PPP1R1C: variants seen among roughly 807,000 people sequenced by gnomAD.
PPP1R1C encodes the protein protein phosphatase 1 regulatory inhibitor subunit 1C, also known as protein phosphatase 1 regulatory subunit 1C.
In PPP1R1C, 15 loss-of-function variants were observed where a neutral mutation model predicts 17.4. The ratio of observed to expected loss-of-function variants is 0.86; its 90% CI spans 0.58 to 1.33. The LOEUF (loss-of-function observed/expected upper bound fraction) is 1.33. PPP1R1C is among the 40% of genes most tolerant of loss of function. PPP1R1C has a pLI of 0.00. For missense variants in PPP1R1C, 143 were observed against 130.0 expected (o/e 1.10, Z -0.48); for synonymous variants, 35 against 43.1 (o/e 0.81, Z 0.73).
At chr2:182,081,799 A>C (rs116689880) in intron 4 of PPP1R1C, among the ~76,000 whole-genome samples, 2 of 152,184 alleles carry the variant, frequency 1.3e-5, no homozygotes, top group Non-Finnish European at 2.9e-5. Context: ...TACACCTCAT[A>C]TCCTGCCTGC....
intron 2 of PPP1R1C, among the ~76,000 whole-genome samples, chr2:182,005,547 T>C (rs763273547): frequency 1.3e-5 from 2 of 152,218 alleles, no homozygotes; most frequent in Non-Finnish European, 1.5e-5. Context: ...TATCTAAATA[T>C]GGTTTTGGAA....
chr2:182,035,697 C>T (rs10202990), intron 2 of PPP1R1C, among the ~76,000 whole-genome samples: 11,081 of 152,164 alleles, frequency 0.073, 613 homozygotes, highest in East Asian at 0.18. Context: ...TGAAGATGCA[C>T]TTGCTACCCC....
chr2:182,092,859 T>C (rs1215161279), intron 4 of PPP1R1C, among the ~76,000 whole-genome samples: 1 of 152,174 alleles, frequency 6.6e-6, no homozygotes, highest in Non-Finnish European at 1.5e-5. Flanking sequence ...CAGCCTCCCT[T>C]CTGGCCGCTT....
At chr2:182,083,616 G>A (rs1688543903) in intron 4 of PPP1R1C, among the ~76,000 whole-genome samples, 2 of 152,054 alleles carry the variant, frequency 1.3e-5, no homozygotes, top group South Asian at 4.2e-4. Flanking sequence ...TGCCTGAGTA[G>A]TATTCTACAG....
In PPP1R1C at chr2:181,967,862, C is replaced by T. The variant is rs1443627155; in HGVS notation, n.112-7357C>T. Among the ~76,000 whole-genome samples, 4 of 152,072 alleles carry T rather than the reference C, an allele frequency of 2.6e-5. No homozygotes were observed. The highest frequency in any genetic ancestry group is 9.7e-5 in the African/African-American group (4 of 41,404). ...TCCAGAGTAGCTGGGATTACAGGCACGAGCCACCATGCCTGGCTAATTTTG... is the reference window on the plus strand; with the variant it reads ...TCCAGAGTAGCTGGGATTACAGGCATGAGCCACCATGCCTGGCTAATTTTG... On this transcript the variant is annotated intron_variant and non_coding_transcript_variant, in intron 1 of 5. Coordinates refer to the PPP1R1C transcript ENST00000464264. The surrounding 1 kb of genome is among the most constrained non-coding windows in gnomAD (Gnocchi z 5.5).
intron 2 of PPP1R1C, among the ~76,000 whole-genome samples, chr2:181,991,339 C>T (rs1685467989): frequency 6.6e-6 from 1 of 152,142 alleles, no homozygotes; most frequent in African/African-American, 2.4e-5. Flanking sequence ...AATGTCCCAT[C>T]AGTCCCTTTC....
At chr2:182,104,219 A>T (rs969384800) in intron 4 of PPP1R1C, among the ~76,000 whole-genome samples, 1 of 152,192 alleles carries the variant, frequency 6.6e-6, no homozygotes, top group Admixed American at 6.5e-5. Context: ...TACTTGCTCT[A>T]GCTAGGACTT....
At chr2:181,977,888 G>A (rs1685122411) in intron 2 of PPP1R1C, among the ~76,000 whole-genome samples, 1 of 152,208 alleles carries the variant, frequency 6.6e-6, no homozygotes, top group Non-Finnish European at 1.5e-5. Context: ...ATGACTCAAA[G>A]TCTGGGCTCC....
chr2:182,123,928 C>A (rs188513995), intron 5 of PPP1R1C, among the ~76,000 whole-genome samples: 7 of 152,300 alleles, frequency 4.6e-5, no homozygotes, highest in Non-Finnish European at 5.9e-5. Context: ...AAACTTTGCC[C>A]ATCCCTATGT....
downstream of PPP1R1C, among the ~76,000 whole-genome samples, chr2:182,122,184 A>T (rs1689749126): frequency 6.6e-6 from 1 of 151,710 alleles, no homozygotes. Flanking sequence ...GTAACCCTTT[A>T]TTCTTCCCAG....
intron 2 of PPP1R1C, among the ~76,000 whole-genome samples, chr2:182,010,382 C>T (rs1024216485): frequency 4.0e-5 from 6 of 151,758 alleles, no homozygotes; most frequent in Non-Finnish European, 8.8e-5. Flanking sequence ...TTATTTGTAG[C>T]TATTTTAAAG....
intron 4 of PPP1R1C, among the ~76,000 whole-genome samples, chr2:182,109,584 C>G (rs539503397): frequency 1.3e-5 from 2 of 152,174 alleles, no homozygotes; most frequent in East Asian, 3.9e-4. Flanking sequence ...TGTTCAAGTT[C>G]CCGTTTGTTG....
At chr2:182,131,296 T>C (rs976839205), downstream of PPP1R1C, 4 of 152,132 alleles carry the variant, frequency 2.6e-5, no homozygotes, top group Non-Finnish European at 5.9e-5. Flanking sequence ...TATATACACA[T>C]ATATATAAAA....
chr2:182,090,355 G>A (rs1300944243), intron 4 of PPP1R1C, among the ~76,000 whole-genome samples: 1 of 151,642 alleles, frequency 6.6e-6, no homozygotes, highest in Non-Finnish European at 1.5e-5. Context: ...AACTGAGAGA[G>A]AGACAGAAAG....
At chr2:182,120,607 T>G (rs1689711295), downstream of PPP1R1C, among the ~76,000 whole-genome samples, 1 of 152,210 alleles carries the variant, frequency 6.6e-6, no homozygotes, top group African/African-American at 2.4e-5. Context: ...CTTATTTATT[T>G]TAAGTGATTT....
chr2:182,053,970 A>G (rs972169347), intron 2 of PPP1R1C, among the ~76,000 whole-genome samples: 9 of 151,916 alleles, frequency 5.9e-5, no homozygotes, highest in African/African-American at 2.2e-4. Context: ...CTCTGGGATT[A>G]GTGCTGGGAT....
chr2:182,019,409 A>G (rs1190289495), intron 2 of PPP1R1C, among the ~76,000 whole-genome samples: 3 of 152,206 alleles, frequency 2.0e-5, no homozygotes, highest in Non-Finnish European at 4.4e-5. Context: ...CACAGCTGCT[A>G]CAACTTCACG....
chr2:182,031,207 C>T (rs567479580), intron 2 of PPP1R1C, among the ~76,000 whole-genome samples: 7 of 152,334 alleles, frequency 4.6e-5, no homozygotes, highest in Admixed American at 1.3e-4. Flanking sequence ...TAGACCGGAG[C>T]TGTTCCTATT....
chr2:182,002,936 C>CG (rs1553502184), intron 2 of PPP1R1C, among the ~76,000 whole-genome samples: 9 of 135,628 alleles, frequency 6.6e-5, no homozygotes, highest in Middle Eastern at 3.6e-3. Flanking sequence ...AACCTCCCCC[C>CG]CCCCACAACC....
Sources: gnomAD v4.1 joint callset for allele counts (sites outside exome capture counted in the v4.1 genomes callset) on GRCh38, gnomAD v4.1.1 for gene constraint, Gnocchi (gnomAD v3.1) non-coding constraint, MANE v1.5 for transcripts, NCBI Gene and HGNC (gene_info 2026-07-23, HGNC 2026-07-21) for gene names.